PVT1: variants seen among roughly 807,000 people sequenced by gnomAD.
The protein encoded by PVT1 is Pvt1 oncogene, also known as CXCR4/PVT1 fusion.
intron 4 of PVT1, among the ~76,000 whole-genome samples, chr8:128,001,528 C>T (rs890247450): frequency 2.0e-5 from 3 of 152,068 alleles, no homozygotes; most frequent in African/African-American, 4.8e-5. Context: ...CTTTCAGACT[C>T]GCCATTGGCC....
chr8:128,027,670 G>A (rs1813328410), intron 4 of PVT1, among the ~76,000 whole-genome samples: 1 of 152,218 alleles, frequency 6.6e-6, no homozygotes, highest in South Asian at 2.1e-4. Flanking sequence ...TCCCTGGGCT[G>A]TGGCACCATG....
chr8:127,896,883 A>G (rs1815685801), intron 3 of PVT1, among the ~76,000 whole-genome samples: 1 of 145,632 alleles, frequency 6.9e-6, no homozygotes. Context: ...TCTATTTGTT[A>G]CTCTAATGCT....
At chr8:127,931,029 CT>C (rs1471461543) in intron 3 of PVT1, among the ~76,000 whole-genome samples, 2 of 152,136 alleles carry the variant, frequency 1.3e-5, no homozygotes, top group African/African-American at 4.8e-5. Flanking sequence ...TTCAGCGTCC[CT>C]AGTAGCTGGG....
intron 3 of PVT1, among the ~76,000 whole-genome samples, chr8:127,970,285 A>ATTTTTTTTTTTT (rs1321419703): frequency 3.7e-5 from 1 of 26,834 alleles, no homozygotes; most frequent in Non-Finnish European, 7.7e-5. Flanking sequence ...ATCTGCCATG[A>ATTTTTTTTTTTT]TTTGTTTTTT....
chr8:127,936,305 G>A (rs995980053), intron 3 of PVT1, among the ~76,000 whole-genome samples: 2 of 151,948 alleles, frequency 1.3e-5, no homozygotes, highest in African/African-American at 4.8e-5. Context: ...GCCTGCCTTG[G>A]CCTCCCAAAG....
intron 4 of PVT1, among the ~76,000 whole-genome samples, chr8:128,002,259 G>A (rs898554429): frequency 3.9e-5 from 6 of 152,132 alleles, no homozygotes; most frequent in Admixed American, 6.5e-5. Context: ...GGCCCACCTC[G>A]GTTCCCAGGG....
chr8:128,003,389 A>G (rs1406489394), intron 4 of PVT1, among the ~76,000 whole-genome samples: 1 of 145,060 alleles, frequency 6.9e-6, no homozygotes, highest in Non-Finnish European at 1.5e-5. Context: ...TTTGTTGTCC[A>G]GGCTGGAGTA....
intron 3 of PVT1, among the ~76,000 whole-genome samples, chr8:127,963,936 C>T (rs994650181): frequency 1.3e-5 from 2 of 152,140 alleles, no homozygotes; most frequent in African/African-American, 4.8e-5. Flanking sequence ...GTTTTCAGTT[C>T]TAGGATCGTT....
intron 3 of PVT1, among the ~76,000 whole-genome samples, chr8:127,893,271 TG>T (rs1371996498): frequency 1.3e-5 from 2 of 152,160 alleles, no homozygotes; most frequent in Non-Finnish European, 2.9e-5. Context: ...TTTTTTGTTT[TG>T]TTTTGTTTTT....
At chr8:127,849,717 ACGTGCG>A (rs1815083328) in intron 2 of PVT1, among the ~76,000 whole-genome samples, 1 of 131,170 alleles carries the variant, frequency 7.6e-6, no homozygotes, top group African/African-American at 3.2e-5. Flanking sequence ...CCCTGCGTGC[ACGTGCG>A]TGGGTGCACA....
At chr8:128,056,221 A>T (rs955762343) in intron 4 of PVT1, among the ~76,000 whole-genome samples, 1 of 152,210 alleles carries the variant, frequency 6.6e-6, no homozygotes, top group Non-Finnish European at 1.5e-5. Flanking sequence ...TATAAAGGAA[A>T]TGGGGATAAT....
intron 3 of PVT1, among the ~76,000 whole-genome samples, chr8:127,929,057 A>G (rs529910015): frequency 2.6e-5 from 4 of 152,308 alleles, no homozygotes; most frequent in African/African-American, 9.6e-5. Flanking sequence ...ATATACCCCT[A>G]CTTAGAAGCA....
chr8:127,974,774 G>A (rs1816804296), intron 3 of PVT1, among the ~76,000 whole-genome samples: 1 of 152,080 alleles, frequency 6.6e-6, no homozygotes, highest in Admixed American at 6.5e-5. Context: ...AATAGATACG[G>A]GTGAGAAAAC....
chr8:127,806,376 G>A (rs978864551), intron 2 of PVT1, among the ~76,000 whole-genome samples: 2 of 152,052 alleles, frequency 1.3e-5, no homozygotes, highest in South Asian at 2.1e-4. Context: ...CAGGAGAATC[G>A]CTTGAACCTG....
intron 2 of PVT1, among the ~76,000 whole-genome samples, chr8:127,860,604 A>T (rs1815212399): frequency 1.3e-5 from 2 of 151,992 alleles, no homozygotes; most frequent in Non-Finnish European, 2.9e-5. Flanking sequence ...CTCTACTAAA[A>T]ATACAAAAAA....
chr8:128,079,008 T>C (rs921543038), intron 5 of PVT1, among the ~76,000 whole-genome samples: 3 of 151,072 alleles, frequency 2.0e-5, no homozygotes, highest in African/African-American at 4.8e-5. Context: ...TCTTTTCTTT[T>C]TTTTTTTTTT....
chr8:128,025,951 CTT>C (rs59269842), intron 4 of PVT1, among the ~76,000 whole-genome samples: 10,835 of 143,434 alleles, frequency 0.076, 612 homozygotes, highest in African/African-American at 0.17. Context: ...ATCCAGCCTC[CTT>C]TTTTTTTTTT....
At chr8:127,813,975 G>A (rs972822880) in intron 2 of PVT1, among the ~76,000 whole-genome samples, 2 of 152,164 alleles carry the variant, frequency 1.3e-5, no homozygotes, top group Non-Finnish European at 2.9e-5. Context: ...TAGAGACGGG[G>A]TTTCGCTATG....
chr8:128,025,102 C>T (rs1056776339), intron 4 of PVT1, among the ~76,000 whole-genome samples: 1 of 152,236 alleles, frequency 6.6e-6, no homozygotes, highest in African/African-American at 2.4e-5. Flanking sequence ...CCTGCCAGCT[C>T]AGAGGGTGGG....
Sources: gnomAD v4.1 joint callset for allele counts (sites outside exome capture counted in the v4.1 genomes callset) on GRCh38, gnomAD v4.1.1 for gene constraint, MANE v1.5 for transcripts, NCBI Gene and HGNC (gene_info 2026-07-23, HGNC 2026-07-21) for gene names.